The following SORCS3 variants were observed in gnomAD, a reference collection of about 807,000 sequenced individuals.
SORCS3 encodes the protein VPS10 domain-containing receptor SorCS3.
SORCS3 carries 57 observed loss-of-function variants against 146.3 expected under a neutral mutation model. The ratio of observed to expected loss-of-function variants is 0.39; its 90% CI spans 0.31 to 0.49. The LOEUF is 0.49. Among genes scored for constraint, SORCS3 ranks in the 20% least tolerant of loss-of-function variants. The pLI is 0.92. For synonymous variants in SORCS3, 653 were observed against 618.5 expected, an observed-to-expected ratio of 1.06 and a Z score of -0.83; for missense variants, 1,341 against 1,575.5, an observed-to-expected ratio of 0.85 and a Z score of 2.52.
At chr10:104,845,639 T>C (rs1198490850) in intron 2 of SORCS3, among the ~76,000 whole-genome samples, 1 of 152,098 alleles carries the variant, frequency 6.6e-6, no homozygotes, top group Non-Finnish European at 1.5e-5. Flanking sequence ...CTGTATTCTC[T>C]AGGAATTAGC....
intron 1 of SORCS3, among the ~76,000 whole-genome samples, chr10:104,808,960 A>G (rs2017710975): frequency 6.6e-6 from 1 of 152,208 alleles, no homozygotes; most frequent in Non-Finnish European, 1.5e-5. Flanking sequence ...GGCAAAATCA[A>G]CCCATTGATT....
intron 1 of SORCS3, among the ~76,000 whole-genome samples, chr10:104,809,781 G>A (rs2017720517): frequency 6.6e-6 from 1 of 152,216 alleles, no homozygotes; most frequent in Admixed American, 6.5e-5. Context: ...GTGTGGGATA[G>A]CTACTCTACT....
intron 3 of SORCS3, among the ~76,000 whole-genome samples, chr10:104,961,150 A>G (rs1053311292): frequency 6.6e-6 from 1 of 152,158 alleles, no homozygotes; most frequent in Non-Finnish European, 1.5e-5. Flanking sequence ...GTGATTCTTA[A>G]TTCTGGGGTC....
At chr10:104,839,650 G>A (rs1010387699) in intron 1 of SORCS3, among the ~76,000 whole-genome samples, 1 of 152,162 alleles carries the variant, frequency 6.6e-6, no homozygotes, top group Non-Finnish European at 1.5e-5. Context: ...TTCTGATCAA[G>A]GAAGTGCATG....
At chr10:104,958,645 T>C (rs1657458797) in intron 3 of SORCS3, among the ~76,000 whole-genome samples, 1 of 152,186 alleles carries the variant, frequency 6.6e-6, no homozygotes, top group African/African-American at 2.4e-5. Flanking sequence ...CTTTGGAAGC[T>C]GCAAAAGGCA....
At chr10:105,066,152 G>T (rs1219158358) in intron 5 of SORCS3, among the ~76,000 whole-genome samples, 1 of 152,138 alleles carries the variant, frequency 6.6e-6, no homozygotes. Flanking sequence ...GGCTCATCTG[G>T]TGGAAAAATG....
At chr10:104,661,468 G>A (rs1158396456) in intron 1 of SORCS3, among the ~76,000 whole-genome samples, 7 of 152,106 alleles carry the variant, frequency 4.6e-5, no homozygotes. Context: ...ACCATCATGG[G>A]CATCCTAGCA....
chr10:105,028,465 C>G (rs140702713), intron 4 of SORCS3, among the ~76,000 whole-genome samples: 1 of 152,264 alleles, frequency 6.6e-6, no homozygotes, highest in African/African-American at 2.4e-5. Flanking sequence ...TCTCCACTAC[C>G]TCCCCGTGAA....
At chr10:104,854,018 C>A (rs2018302838) in intron 2 of SORCS3, among the ~76,000 whole-genome samples, 1 of 152,138 alleles carries the variant, frequency 6.6e-6, no homozygotes, top group South Asian at 2.1e-4. Context: ...GACCTCAGAT[C>A]TGTAAAATGC....
intron 1 of SORCS3, among the ~76,000 whole-genome samples, chr10:104,691,642 G>T (rs2016113450): frequency 1.3e-5 from 2 of 152,150 alleles, no homozygotes; most frequent in South Asian, 2.1e-4. Context: ...ATAATTGGCT[G>T]CCCTGTCCCT....
chr10:104,981,038 G>C (rs754028377), intron 4 of SORCS3, among the ~76,000 whole-genome samples: 1 of 139,186 alleles, frequency 7.2e-6, no homozygotes. Flanking sequence ...GCAAAGGGGT[G>C]GGGGGCAGAT....
intron 5 of SORCS3, among the ~76,000 whole-genome samples, chr10:105,072,949 T>G (rs1462779013): frequency 6.6e-6 from 1 of 152,176 alleles, no homozygotes; most frequent in East Asian, 1.9e-4. Context: ...ACCATAACCC[T>G]GCGAGGTAAA....
chr10:105,069,477 C>G (rs1421645364), intron 5 of SORCS3, among the ~76,000 whole-genome samples: 1 of 152,174 alleles, frequency 6.6e-6, no homozygotes, highest in African/African-American at 2.4e-5. Flanking sequence ...ATAATGCCAT[C>G]TACCTCATAG....
chr10:104,772,140 C>T (rs1303645222), intron 1 of SORCS3, among the ~76,000 whole-genome samples: 4 of 152,076 alleles, frequency 2.6e-5, no homozygotes, highest in Non-Finnish European at 5.9e-5. Flanking sequence ...TGCCTGTCAT[C>T]TCCACCTCCT....
chr10:104,945,604 A>G (rs1009071128), intron 3 of SORCS3, among the ~76,000 whole-genome samples: 3 of 149,568 alleles, frequency 2.0e-5, no homozygotes, highest in Admixed American at 6.7e-5. Flanking sequence ...GTGAATACAT[A>G]GGCACACTCA....
At chr10:104,688,777 C>T (rs550862872) in intron 1 of SORCS3, among the ~76,000 whole-genome samples, 1 of 152,310 alleles carries the variant, frequency 6.6e-6, no homozygotes, top group African/African-American at 2.4e-5. Context: ...CCTGCTGTTC[C>T]ATACCCACAG....
chr10:104,919,564 C>T (rs1336237858), intron 3 of SORCS3, among the ~76,000 whole-genome samples: 1 of 152,022 alleles, frequency 6.6e-6, no homozygotes, highest in African/African-American at 2.4e-5. Flanking sequence ...GTGGTACATG[C>T]CGTAATCCCA....
intron 7 of SORCS3, among the ~76,000 whole-genome samples, chr10:105,114,997 A>G (rs917924363): frequency 2.6e-5 from 4 of 152,156 alleles, no homozygotes; most frequent in African/African-American, 9.7e-5. Context: ...AAGTACTAGC[A>G]ATTAACAAGT....
chr10:104,865,867 G>A (rs932000277), intron 2 of SORCS3, among the ~76,000 whole-genome samples: 1 of 152,196 alleles, frequency 6.6e-6, no homozygotes, highest in African/African-American at 2.4e-5. Context: ...CTTTCTTTGC[G>A]AGATAGTACT....
Sources: allele counts gnomAD v4.1 joint callset (sites outside exome capture counted in the v4.1 genomes callset), GRCh38; gene constraint gnomAD v4.1.1; transcripts MANE v1.5; gene names NCBI Gene and HGNC (gene_info 2026-07-23, HGNC 2026-07-21).